The following ERC1 variants were observed in gnomAD, a reference collection of about 807,000 sequenced individuals.
ERC1 encodes the protein RAB6 interacting protein 2.
A neutral mutation model predicts 132.0 loss-of-function variants in ERC1; 56 were observed. The observed-to-expected ratio is 0.42, with a 90% CI of 0.34 to 0.53. ERC1 has a LOEUF of 0.53. Ranked by LOEUF, ERC1 falls within the 20% of genes least tolerant of loss-of-function variation. The pLI is 0.03. For synonymous variants in ERC1, 478 were observed against 476.1 expected, an observed-to-expected ratio of 1.00 and a Z score of -0.05; for missense variants, 1,202 against 1,349.9, an observed-to-expected ratio of 0.89 and a Z score of 1.72.
chr12:1,146,035 T>C (rs1448945952), intron 8 of ERC1, among the ~76,000 whole-genome samples: 1 of 152,192 alleles, frequency 6.6e-6, no homozygotes, highest in Admixed American at 6.5e-5. Context: ...TATTGCTTAG[T>C]CTTGCCTTGG....
rs1453445209 is a variant in ERC1 at position 1,490,734 on chromosome 12, G to A, written c.*504G>A. The A allele has an allele frequency of 4.3e-6, 1 of 233,800 alleles. No individual in the cohort carries two copies. The highest frequency in any genetic ancestry group is 8.4e-6 in the Non-Finnish European group (1 of 118,522). 14.5% of individuals were successfully genotyped at this position (233,800 alleles called of 1,614,324 possible). On this transcript the variant is annotated 3_prime_UTR_variant, in exon 19 of 19. Transcript: ENST00000360905. ...AAAAAGATTAGAAAAAGAGAAGGGG[G>A]GAAGGGAAGAGAAAATCGACTCTTC...
intron 12 of ERC1, among the ~76,000 whole-genome samples, chr12:1,230,540 A>T (rs921104606): frequency 2.0e-5 from 3 of 152,068 alleles, no homozygotes; most frequent in African/African-American, 4.8e-5. Context: ...CTTGAGAAGG[A>T]TATGTTTTCT....
chr12:1,190,337 C>A (rs1594092199), intron 12 of ERC1: 2 of 435,034 alleles, frequency 4.6e-6, no homozygotes, highest in Non-Finnish European at 8.6e-6. Context: ...TTTTTACTGG[C>A]AAATCAAGAG....
intron 1 of ERC1, among the ~76,000 whole-genome samples, chr12:1,017,826 T>A (rs1429717990): frequency 6.6e-6 from 1 of 151,782 alleles, no homozygotes; most frequent in Non-Finnish European, 1.5e-5. Flanking sequence ...AAACTCAAAA[T>A]ATAGGGTACA....
intron 12 of ERC1, among the ~76,000 whole-genome samples, chr12:1,196,439 G>GTCTA (rs1956240167): frequency 1.3e-5 from 2 of 150,816 alleles, no homozygotes; most frequent in African/African-American, 2.4e-5. Context: ...TAGCTGCCCT[G>GTCTA]TCTACATCAT....
intron 12 of ERC1, among the ~76,000 whole-genome samples, chr12:1,232,180 T>C (rs1466912867): frequency 6.6e-6 from 1 of 152,176 alleles, no homozygotes; most frequent in African/African-American, 2.4e-5. Context: ...AATGGTGGTG[T>C]GTATGTGTGT....
At position 1,307,153 on chromosome 12, in the gene ERC1, A is replaced by G. The variant is rs1242278232; in HGVS notation, c.2780+17141A>G. 1.5e-4 allele frequency among the ~76,000 whole-genome samples: 23 copies of G among 152,346 alleles called. 1 individual carries two copies. In the South Asian group the frequency reaches 2.3e-3, roughly 15 times the overall value. ...TGGATTGATTGTCTTAAAGGGAAAGATAAATCAACTTTGTTTTTTTCCTGA... is the reference window on the plus strand; with the variant it reads ...TGGATTGATTGTCTTAAAGGGAAAGGTAAATCAACTTTGTTTTTTTCCTGA... On this transcript the variant is annotated intron_variant, in intron 15 of 18. Coordinates refer to ENST00000360905, the MANE Select transcript of ERC1 (RefSeq NM_178040.4).
chr12:1,294,007 C>G (rs1027285738), intron 15 of ERC1, among the ~76,000 whole-genome samples: 1 of 152,128 alleles, frequency 6.6e-6, no homozygotes, highest in Non-Finnish European at 1.5e-5. Context: ...ATATGTTGTA[C>G]AGTATAGCTA....
At chr12:1,191,593 T>C (rs1257316598) in intron 12 of ERC1, among the ~76,000 whole-genome samples, 2 of 152,178 alleles carry the variant, frequency 1.3e-5, no homozygotes, top group Non-Finnish European at 2.9e-5. Flanking sequence ...GTCACCAATA[T>C]TGATTTTGGG....
intron 18 of ERC1, among the ~76,000 whole-genome samples, chr12:1,456,552 G>A (rs2093540107): frequency 6.6e-6 from 1 of 151,964 alleles, no homozygotes; most frequent in South Asian, 2.1e-4. Context: ...TAAATATCTT[G>A]TATACATTGA....
chr12:1,072,503 AC>A (rs35212959), intron 2 of ERC1, among the ~76,000 whole-genome samples: 72,888 of 151,952 alleles, frequency 0.48, 20,488 homozygotes, highest in East Asian at 0.79. Flanking sequence ...TAATGTCTTT[AC>A]AAACACATGT....
At chr12:1,352,518 T>C (rs1328186386) in intron 15 of ERC1, among the ~76,000 whole-genome samples, 1 of 152,232 alleles carries the variant, frequency 6.6e-6, no homozygotes, top group African/African-American at 2.4e-5. Flanking sequence ...ACCTTTCTCA[T>C]AGAAGGGTGA....
chr12:1,444,305 T>A, intron 17 of ERC1: 1 of 321,766 alleles, frequency 3.1e-6, no homozygotes, highest in Admixed American at 4.5e-5. Flanking sequence ...TACAGAGCTG[T>A]CCGTCTGGTG....
chr12:1,221,467 A>G (rs889855346), intron 12 of ERC1, among the ~76,000 whole-genome samples: 5 of 152,196 alleles, frequency 3.3e-5, no homozygotes, highest in African/African-American at 1.2e-4. Flanking sequence ...AAAATGTTGA[A>G]TTGATCATTT....
At chr12:1,346,948 CAAA>C (rs58842053) in intron 15 of ERC1, among the ~76,000 whole-genome samples, 1 of 106,074 alleles carries the variant, frequency 9.4e-6, no homozygotes, top group Non-Finnish European at 1.9e-5. Flanking sequence ...GACTCCGTCT[CAAA>C]AAAAAAAAAA....
chr12:1,228,330 T>C (rs985484957), intron 12 of ERC1, among the ~76,000 whole-genome samples: 1 of 49,718 alleles, frequency 2.0e-5, no homozygotes, highest in African/African-American at 2.2e-4. Flanking sequence ...TAGTTTTTAG[T>C]GTACAAATCT....
chr12:1,286,293 CAAAAAAAA>C (rs71293127), intron 14 of ERC1, among the ~76,000 whole-genome samples: 5 of 81,286 alleles, frequency 6.2e-5, no homozygotes, highest in Non-Finnish European at 9.3e-5. Context: ...GACTCCATCT[CAAAAAAAA>C]AAAAAAAAAA....
intron 16 of ERC1, among the ~76,000 whole-genome samples, chr12:1,378,861 C>T (rs549311278): frequency 6.6e-6 from 1 of 152,142 alleles, no homozygotes; most frequent in Non-Finnish European, 1.5e-5. Context: ...CAGATGACAT[C>T]CTGAAATAAA....
At chr12:1,329,356 A>G (rs1388566949) in intron 15 of ERC1, among the ~76,000 whole-genome samples, 1 of 122,064 alleles carries the variant, frequency 8.2e-6, no homozygotes, top group East Asian at 2.9e-4. Flanking sequence ...TTTTCAATAT[A>G]GATTCATCTA....
Sources: gnomAD v4.1 joint callset for allele counts (sites outside exome capture counted in the v4.1 genomes callset) on GRCh38, gnomAD v4.1.1 for gene constraint, MANE v1.5 for transcripts, NCBI Gene and HGNC (gene_info 2026-07-23, HGNC 2026-07-21) for gene names.